Variants in FAM193A observed in about 807,000 individuals in gnomAD.
FAM193A encodes family with sequence similarity 193 member A.
A neutral mutation model predicts 126.5 loss-of-function variants in FAM193A; 22 were observed. That is an observed-to-expected ratio of 0.17 (90% CI 0.12 to 0.25). The LOEUF (loss-of-function observed/expected upper bound fraction) is 0.25, where lower values mean the gene tolerates loss of function less well. Among genes scored for constraint, FAM193A ranks in the 10% least tolerant of loss-of-function variants. The pLI is 1.00. For missense variants in FAM193A, 1,675 were observed against 1,672.8 expected (o/e 1.00, Z -0.02); for synonymous variants, 761 against 646.8 (o/e 1.18, Z -2.68).
At chr4:2,554,768 A>G (rs372302698) in intron 1 of FAM193A, among the ~76,000 whole-genome samples, 7 of 152,228 alleles carry the variant, frequency 4.6e-5, no homozygotes, top group South Asian at 2.1e-4. Context: ...TTTGATGCAT[A>G]TACATTTAGG....
chr4:2,727,344 G>T (rs771400373), intron 20 of FAM193A, among the ~76,000 whole-genome samples: 1 of 152,202 alleles, frequency 6.6e-6, no homozygotes, highest in Non-Finnish European at 1.5e-5. Flanking sequence ...AGATTTGGAA[G>T]TTTGTTTTAG....
chr4:2,635,760 A>T (rs1456757130), intron 5 of FAM193A, among the ~76,000 whole-genome samples: 1 of 152,008 alleles, frequency 6.6e-6, no homozygotes, highest in Non-Finnish European at 1.5e-5. Context: ...CTGGTCTCGA[A>T]CTCCTGACCT....
intron 1 of FAM193A, among the ~76,000 whole-genome samples, chr4:2,568,459 A>G (rs1242711929): frequency 1.3e-5 from 2 of 152,196 alleles, no homozygotes; most frequent in African/African-American, 4.8e-5. Flanking sequence ...GTTGCAGGCT[A>G]CAGTGAGCTG....
intron 4 of FAM193A, among the ~76,000 whole-genome samples, chr4:2,628,284 G>C (rs766590951): frequency 2.0e-5 from 3 of 152,202 alleles, no homozygotes; most frequent in Non-Finnish European, 4.4e-5. Context: ...ATTCAGCCAA[G>C]TATTTTCAGG....
At chr4:2,710,098 ATGTATTTTGTTAGTTTTTTAAAATCATC>A (rs1403093243) in intron 19 of FAM193A, among the ~76,000 whole-genome samples, 9 of 130,442 alleles carry the variant, frequency 6.9e-5, no homozygotes, top group Non-Finnish European at 1.5e-4. Flanking sequence ...TTAATAGTTT[ATGTATTTTGTTAGTTTTTTAAAATCATC>A]TGAGTTTATT....
intron 1 of FAM193A, among the ~76,000 whole-genome samples, chr4:2,588,337 A>G (rs1740349805): frequency 6.6e-6 from 1 of 152,204 alleles, no homozygotes; most frequent in African/African-American, 2.4e-5. Context: ...TACATGGACC[A>G]TAACATTTTT....
rs1468918621 is a variant in FAM193A at position 2,625,321 on chromosome 4, T to C, written c.561T>C (p.Gly187=). Residue 187 remains glycine (G), a synonymous_variant, in exon 3 of 21, where the codon GGT becomes GGC. Coordinates refer to ENST00000637812, the MANE Select transcript of FAM193A (RefSeq NM_001366318.2). ...LGGSQPEAGS[G]GRLALGAQTL... ...GCTCCCAGCCAGAGGCCGGCAGTGG[T>C]GGGAGGCTCGCTCTGGGTGCACAGA... 2.8e-6 allele frequency: 2 copies of C among 702,914 alleles called. No individual in the cohort carries two copies. The highest frequency in any genetic ancestry group is 5.2e-6 in the Non-Finnish European group (2 of 384,998). The allele number at this position is 702,914 out of a possible 1,614,324, so 43.5% of individuals were successfully genotyped here.
chr4:2,542,373 C>A (rs1737287536), intron 1 of FAM193A, among the ~76,000 whole-genome samples: 1 of 152,022 alleles, frequency 6.6e-6, no homozygotes, highest in African/African-American at 2.4e-5. Context: ...CTCCTGACCT[C>A]AAGTGATCTA....
At chr4:2,620,009 T>C (rs548944505) in intron 2 of FAM193A, among the ~76,000 whole-genome samples, 1 of 152,320 alleles carries the variant, frequency 6.6e-6, no homozygotes, top group East Asian at 1.9e-4. Context: ...CTGTTTCTAT[T>C]GATTGGCTTT....
At chr4:2,636,069 GACAGAGTCTC>G (rs2109014868) in intron 5 of FAM193A, among the ~76,000 whole-genome samples, 2 of 148,038 alleles carry the variant, frequency 1.4e-5, no homozygotes, top group South Asian at 4.3e-4. Flanking sequence ...TTTTTTTTGA[GACAGAGTCTC>G]ACTCTGTCTC....
intron 1 of FAM193A, among the ~76,000 whole-genome samples, chr4:2,555,022 A>G (rs1738170426): frequency 6.6e-6 from 1 of 151,998 alleles, no homozygotes; most frequent in Non-Finnish European, 1.5e-5. Context: ...GCTTATTCAT[A>G]TTTTCATTTT....
chr4:2,645,303 A>G lies in FAM193A; in HGVS notation c.1164-1382A>G, dbSNP rs150463618. Among the ~76,000 whole-genome samples, 487 of 152,258 alleles carry G rather than the reference A, an allele frequency of 3.2e-3. 4 individuals are homozygous for G. The highest frequency in any genetic ancestry group is 0.011 in the African/African-American group (470 of 41,552). ...TTGGCTCACACTGATAGACTTAGGT[A>G]TTAGGAACATGAATTTTTTCTGGTA... On this transcript the variant is annotated intron_variant, in intron 6 of 20. Transcript: ENST00000637812.
intron 14 of FAM193A, 64 bp downstream of exon 14, chr4:2,689,768 C>A (rs750988763): frequency 2.5e-6 from 3 of 1,197,166 alleles, no homozygotes; most frequent in African/African-American, 3.2e-5. Context: ...ACATCTTTGC[C>A]GTAGTCTCCC....
chr4:2,710,550 G>A (rs1484373930), intron 19 of FAM193A, among the ~76,000 whole-genome samples: 1 of 151,876 alleles, frequency 6.6e-6, no homozygotes, highest in Non-Finnish European at 1.5e-5. Context: ...TGCCCAGGCT[G>A]GAGTGCAGTG....
chr4:2,563,859 A>G (rs1378431031), intron 1 of FAM193A, among the ~76,000 whole-genome samples: 1 of 152,240 alleles, frequency 6.6e-6, no homozygotes, highest in African/African-American at 2.4e-5. Flanking sequence ...AAATATTTTA[A>G]GCATTCATAA....
chr4:2,555,661 A>G (rs1738205248), intron 1 of FAM193A, among the ~76,000 whole-genome samples: 1 of 152,166 alleles, frequency 6.6e-6, no homozygotes, highest in East Asian at 1.9e-4. Context: ...TCTGTCACTC[A>G]GGCTGGAGTG....
At chr4:2,561,290 T>G (rs1025370524) in intron 1 of FAM193A, among the ~76,000 whole-genome samples, 1 of 148,524 alleles carries the variant, frequency 6.7e-6, no homozygotes, top group Non-Finnish European at 1.5e-5. Context: ...CAGGCAGTTC[T>G]CCCATGTCAG....
chr4:2,581,515 A>C (rs1739939814), intron 1 of FAM193A, among the ~76,000 whole-genome samples: 2 of 152,100 alleles, frequency 1.3e-5, no homozygotes, highest in Non-Finnish European at 2.9e-5. Context: ...GGGCCTCCCA[A>C]AGTGCTGAGA....
intron 17 of FAM193A, 142 bp downstream of exon 17, chr4:2,695,271 T>C: frequency 1.6e-6 from 1 of 635,778 alleles, no homozygotes; most frequent in Non-Finnish European, 2.4e-6. Flanking sequence ...GAAAAATATA[T>C]GCCCAAAGAT....
Sources: allele counts gnomAD v4.1 joint callset (sites outside exome capture counted in the v4.1 genomes callset), GRCh38; gene constraint gnomAD v4.1.1; transcripts MANE v1.5; gene names NCBI Gene and HGNC (gene_info 2026-07-23, HGNC 2026-07-21).